The following TUT4 variants were observed in gnomAD, a reference collection of about 807,000 sequenced individuals.
The protein encoded by TUT4 is terminal uridylyl transferase 4, also known as terminal uridylyltransferase 4.
Under a neutral mutation model 192.2 loss-of-function variants are expected in TUT4, and 36 were observed. The observed-to-expected ratio is 0.19, with a 90% confidence interval of 0.14 to 0.25. The LOEUF (loss-of-function observed/expected upper bound fraction) is 0.25. Ranked by LOEUF, TUT4 falls within the 10% of genes least tolerant of loss-of-function variation. The pLI is 1.00. For missense variants in TUT4, 1,493 were observed against 1,957.2 expected (o/e 0.76, Z 4.47); for synonymous variants, 618 against 666.0 (o/e 0.93, Z 1.11).
At chr1:52,534,752 A>T (rs1684443031) in intron 1 of TUT4, among the ~76,000 whole-genome samples, 1 of 151,930 alleles carries the variant, frequency 6.6e-6, no homozygotes, top group African/African-American at 2.4e-5. Flanking sequence ...GGTCCCAGCT[A>T]CTTGGGAGGC....
At chr1:52,552,473 G>C (rs947074551) in intron 1 of TUT4, among the ~76,000 whole-genome samples, 4 of 152,206 alleles carry the variant, frequency 2.6e-5, no homozygotes, top group African/African-American at 9.7e-5. Context: ...TATTATATGC[G>C]TGTATACATT....
At chr1:52,452,016 T>C (rs1659572102) in intron 20 of TUT4, among the ~76,000 whole-genome samples, 1 of 151,686 alleles carries the variant, frequency 6.6e-6, no homozygotes, top group Admixed American at 6.6e-5. Context: ...AAGGAAGAAA[T>C]TAAACCAATT....
intron 13 of TUT4, 25 bp from the exon 14 acceptor site, chr1:52,472,127 A>C (rs1665931318): frequency 6.2e-7 from 1 of 1,605,948 alleles, no homozygotes; most frequent in Non-Finnish European, 8.5e-7. Flanking sequence ...AAAGAAATCT[A>C]ATCTAATAAA....
In TUT4 at chr1:52,481,458, T is replaced by G; in HGVS notation, c.1813A>C (p.Asn605His). The change falls in exon 11 of 30, where the codon AAC (asparagine) becomes CAC (histidine). Residue 605 changes from asparagine to histidine, a missense_variant. Asn to His is a moderately conservative substitution (Grantham distance 68, BLOSUM62 1). Transcript: ENST00000257177. ...TTTTCCTTCATGGCATTACTTTGGTTGTCTGTTTCTGTCTTCTTGGTATCA... is the reference window on the plus strand; with the variant it reads ...TTTTCCTTCATGGCATTACTTTGGTGGTCTGTTTCTGTCTTCTTGGTATCA... The part of the protein sequence containing the change: ...KDDTKKTETD[N>H]QSNAMKEKHG... The G allele has an allele frequency of 1.9e-6, 3 of 1,614,046 alleles. No individual in the cohort carries two copies. Among genetic ancestry groups the G allele is most frequent in the Non-Finnish European group, 2.5e-6 (3 of 1,179,962 alleles).
intron 4 of TUT4, among the ~76,000 whole-genome samples, chr1:52,501,957 T>C (rs1557868468): frequency 1.3e-5 from 2 of 151,778 alleles, no homozygotes; most frequent in African/African-American, 2.4e-5. Flanking sequence ...GAGAGGGGAA[T>C]GGGGAGTTAT....
intron 4 of TUT4, 49 bp from the exon 5 acceptor site, chr1:52,497,232 T>G (rs1460572671): frequency 6.7e-7 from 1 of 1,484,738 alleles, no homozygotes; most frequent in Non-Finnish European, 8.9e-7. Context: ...AGTTTCTATT[T>G]TAATTGTTCT....
chr1:52,509,487 C>A lies in TUT4; in HGVS notation c.999+109G>T, dbSNP rs932209354. 34 of 697,860 alleles carry A rather than the reference C, an allele frequency of 4.9e-5. 2 individuals are homozygous for A. In the South Asian group the frequency reaches 6.5e-4, roughly 13 times the overall value. The allele number at this position is 697,860 out of a possible 1,614,324, so 43.2% of individuals were successfully genotyped here. On this transcript the variant is annotated intron_variant, in intron 4 of 29. Transcript: ENST00000257177. ...CTTCCAAAGCTATCACTTCAGTTAC[C>A]AATATAAGATTGGACAAATATTTCA...
Position 52,461,239 on chromosome 1 carries a change from A to G in TUT4, c.3232-16T>C. The G allele has an allele frequency of 1.9e-6, 3 of 1,588,686 alleles. No homozygotes were observed. Among genetic ancestry groups the G allele is most frequent in the East Asian group, 2.2e-5 (1 of 44,656 alleles). ...TATGTTGAGCCTGAAAAATAATTAC[A>G]TATTTGAAAGGATTTCAAATTTCGT... On this transcript the variant is annotated splice_polypyrimidine_tract_variant and intron_variant, in intron 18 of 29. Coordinates refer to ENST00000257177, the MANE Select transcript of TUT4 (RefSeq NM_001009881.3).
At position 52,431,412 on chromosome 1, in the gene TUT4, A is replaced by C; in HGVS notation, c.4312T>G (p.Ser1438Ala). 1 of 1,614,006 alleles carries C rather than the reference A, an allele frequency of 6.2e-7. No homozygotes were observed. Among genetic ancestry groups the C allele is most frequent in the Non-Finnish European group, 8.5e-7 (1 of 1,179,916 alleles). ...TGAGTAATAGCAGCTGACTGGGAAGAGTTCTGTGGAAATGGCTGAGGCTGA... is the reference window on the plus strand; with the variant it reads ...TGAGTAATAGCAGCTGACTGGGAAGCGTTCTGTGGAAATGGCTGAGGCTGA... Reference protein sequence around the residue: ...SPQPQPFPQNSSQSAAITQPS... With the variant: ...SPQPQPFPQNASQSAAITQPS... The change falls in exon 28 of 30, where the codon TCT becomes GCT. Residue 1438 changes from serine (S) to alanine (A), a missense_variant. Physicochemically the swap from Ser to Ala is moderately conservative, Grantham distance 99. This residue lies in a region of TUT4 where 351 missense variants were observed against 397.8 expected (regional missense o/e 0.88). Coordinates refer to ENST00000257177, the MANE Select transcript of TUT4 (RefSeq NM_001009881.3).
intron 3 of TUT4, among the ~76,000 whole-genome samples, chr1:52,512,378 A>C (rs2149331526): frequency 6.6e-6 from 1 of 152,342 alleles, no homozygotes; most frequent in East Asian, 1.9e-4. Context: ...TAGGTGTTAT[A>C]ATTGTTATCA....
At chr1:52,473,469 T>G (rs1666307368) in intron 13 of TUT4, among the ~76,000 whole-genome samples, 1 of 152,186 alleles carries the variant, frequency 6.6e-6, no homozygotes, top group African/African-American at 2.4e-5. Context: ...TTGGAGCTGA[T>G]GGATGGATAG....
chr1:52,514,333 T>A (rs911561534), intron 3 of TUT4, among the ~76,000 whole-genome samples: 4 of 152,018 alleles, frequency 2.6e-5, no homozygotes, highest in African/African-American at 9.7e-5. Flanking sequence ...ACCAGCTACT[T>A]AAGAGGCTGA....
intron 3 of TUT4, among the ~76,000 whole-genome samples, chr1:52,512,862 A>T (rs562496785): frequency 2.2e-4 from 34 of 152,148 alleles, no homozygotes; most frequent in African/African-American, 8.0e-4. Context: ...CAATTAGATA[A>T]TCTATGGAAA....
intron 3 of TUT4, among the ~76,000 whole-genome samples, chr1:52,514,619 C>T (rs1380117599): frequency 6.6e-6 from 1 of 152,050 alleles, no homozygotes; most frequent in Non-Finnish European, 1.5e-5. Flanking sequence ...CTATTAATAA[C>T]CCAGGATTGT....
intron 9 of TUT4, among the ~76,000 whole-genome samples, chr1:52,484,237 T>C (rs1669227928): frequency 6.6e-6 from 1 of 151,826 alleles, no homozygotes. Flanking sequence ...AATGTTAAAT[T>C]TTAAAAACTA....
At chr1:52,552,245 C>CA (rs1486637895) in intron 1 of TUT4, among the ~76,000 whole-genome samples, 1 of 152,188 alleles carries the variant, frequency 6.6e-6, no homozygotes, top group Non-Finnish European at 1.5e-5. Flanking sequence ...ATCCAGATAC[C>CA]AACAGGAGTC....
chr1:52,499,897 C>T (rs1673608103), intron 4 of TUT4, among the ~76,000 whole-genome samples: 1 of 151,406 alleles, frequency 6.6e-6, no homozygotes, highest in Admixed American at 6.6e-5. Flanking sequence ...ATGATGAAAC[C>T]CCGTCTCTAC....
At chr1:52,503,354 T>C (rs1674683652) in intron 4 of TUT4, among the ~76,000 whole-genome samples, 1 of 152,070 alleles carries the variant, frequency 6.6e-6, no homozygotes, top group South Asian at 2.1e-4. Flanking sequence ...AAAACTGTGA[T>C]AAGAACTTTA....
intron 7 of TUT4, among the ~76,000 whole-genome samples, chr1:52,492,516 A>C (rs1671432807): frequency 1.3e-5 from 2 of 152,226 alleles, no homozygotes; most frequent in African/African-American, 4.8e-5. Flanking sequence ...TTCTCATCAA[A>C]AAGATACAAT....
Sources: gnomAD v4.1 joint callset for allele counts (sites outside exome capture counted in the v4.1 genomes callset) on GRCh38, gnomAD v4.1.1 for gene constraint, gnomAD v4.1.1 regional missense constraint, MANE v1.5 for transcripts, NCBI Gene and HGNC (gene_info 2026-07-23, HGNC 2026-07-21) for gene names.